The following TUBGCP2 variants were observed in gnomAD, a reference collection of about 807,000 sequenced individuals.
TUBGCP2 encodes the protein tubulin gamma complex component 2.
In TUBGCP2, 55 loss-of-function variants were observed where a neutral mutation model predicts 92.2. The ratio of observed to expected loss-of-function variants is 0.60; its 90% CI spans 0.48 to 0.75. The LOEUF (loss-of-function observed/expected upper bound fraction) is 0.75, where lower values mean the gene tolerates loss of function less well. Ranked by LOEUF, TUBGCP2 falls within the 30% of genes least tolerant of loss-of-function variation. TUBGCP2 has a pLI of 0.00. For synonymous variants in TUBGCP2, 533 were observed against 505.2 expected (o/e 1.06, Z -0.74); for missense variants, 1,093 against 1,188.9 (o/e 0.92, Z 1.19).
At chr10:133,281,523 C>A in intron 16 of TUBGCP2, 87 bp from the exon 17 acceptor site, 1 of 1,475,038 alleles carries the variant, frequency 6.8e-7, no homozygotes. Flanking sequence ...GGCCGGTGTC[C>A]TTTCCCTTCC....
chr10:133,301,546 G>C (rs2136137117), intron 2 of TUBGCP2, among the ~76,000 whole-genome samples: 1 of 152,150 alleles, frequency 6.6e-6, no homozygotes, highest in East Asian at 1.9e-4. Flanking sequence ...TTGTTAACCT[G>C]TTTAAATAAC....
In TUBGCP2 at chr10:133,281,439, GGAAA is replaced by G; in HGVS notation, c.2410-7_2410-4del. On this transcript the variant is annotated splice_region_variant and splice_polypyrimidine_tract_variant and intron_variant, in intron 16 of 17. Transcript: ENST00000252936. ...GTGTCTGCGTGCTCAGCCAGGTGCTGGAAAGAAAGCCGGGGTGCGTGAGCCATGC... is the reference window on the plus strand; with the variant it reads ...GTGTCTGCGTGCTCAGCCAGGTGCTGGAAAGCCGGGGTGCGTGAGCCATGC... 1 of 1,611,660 alleles carries G rather than the reference GGAAA, an allele frequency of 6.2e-7. No homozygotes were observed. Among genetic ancestry groups the G allele is most frequent in the Non-Finnish European group, 8.5e-7 (1 of 1,179,716 alleles).
At position 133,300,085 on chromosome 10, in the gene TUBGCP2, G is replaced by A. The variant is rs375954050; in HGVS notation, c.179C>T (p.Pro60Leu). 3.1e-6 allele frequency: 5 copies of A among 1,613,884 alleles called. No homozygotes were observed. Among genetic ancestry groups the A allele is most frequent in the Non-Finnish European group, 3.4e-6 (4 of 1,179,912 alleles). The change falls in exon 3 of 18, where the codon CCA (proline) becomes CTA (leucine). Residue 60 changes from proline (P) to leucine (L), a missense_variant. Physicochemically the swap from Pro to Leu is moderately conservative, Grantham distance 98. Transcript: ENST00000252936. ...KVKIAEFSRTPEDFLKKYDEL... is the reference protein window; with the variant it reads ...KVKIAEFSRTLEDFLKKYDEL... ...ATCATATTTCTTTAGAAAGTCTTCT[G>A]GAGTACGAGAAAACTCTGCAATTTT...
At chr10:133,281,659 T>C (rs759241471) in intron 16 of TUBGCP2, 10 of 604,508 alleles carry the variant, frequency 1.7e-5, no homozygotes, top group Non-Finnish European at 2.8e-5. Flanking sequence ...TGGGATGAGG[T>C]GGTCACTCTC....
chr10:133,293,353 C>G, intron 6 of TUBGCP2, 115 bp from the exon 7 acceptor site: 1 of 1,311,738 alleles, frequency 7.6e-7, no homozygotes, highest in Non-Finnish European at 1.1e-6. Context: ...AACCCCACAT[C>G]CCAGAGGGGA....
intron 17 of TUBGCP2, among the ~76,000 whole-genome samples, chr10:133,280,828 C>T (rs1012536242): frequency 7.1e-6 from 1 of 140,184 alleles, no homozygotes; most frequent in Non-Finnish European, 1.6e-5. Flanking sequence ...AGGGCTGAGC[C>T]GGGGCAGGCG....
intron 11 of TUBGCP2, among the ~76,000 whole-genome samples, chr10:133,287,878 C>T (rs1359849003): frequency 6.6e-6 from 1 of 152,370 alleles, no homozygotes; most frequent in African/African-American, 2.4e-5. Context: ...TTCCACAAGG[C>T]CAGCATGACC....
chr10:133,293,365 C>T, intron 6 of TUBGCP2, 127 bp from the exon 7 acceptor site: 1 of 1,275,376 alleles, frequency 7.8e-7, no homozygotes, highest in Admixed American at 2.1e-5. Context: ...CAGAGGGGAA[C>T]TTTTGCCCCA....
chr10:133,308,958 C>A (rs1468048117), upstream of TUBGCP2: 5 of 1,238,488 alleles, frequency 4.0e-6, no homozygotes, highest in African/African-American at 1.6e-5. Context: ...AGTTGCCCCC[C>A]GCGCTGTGCG....
In TUBGCP2 at chr10:133,285,613, G is replaced by A; in HGVS notation, c.1738C>T (p.His580Tyr). ...CGCAAGAGCTGAGTGATGAGGTCAT[G>A]GGGCATCAGGTCGATCTTGGAGGGA... ...KDDLKIDLMP[H>Y]DLITQLLRVL... The change falls in exon 12 of 18, where the codon CAT becomes TAT. Residue 580 changes from histidine to tyrosine, a missense_variant. Physicochemically the swap from His to Tyr is moderately conservative, Grantham distance 83 (BLOSUM62 2). This residue lies in a region of TUBGCP2 where 598 missense variants were observed against 675.5 expected (regional missense o/e 0.89). Transcript: ENST00000252936. This position sits in a 1 kb window ranked among gnomAD's most constrained non-coding sequence, Gnocchi z 6.8. 1 of 1,517,890 alleles carries A rather than the reference G, an allele frequency of 6.6e-7. No individual in the cohort carries two copies. Among genetic ancestry groups the A allele is most frequent in the Non-Finnish European group, 8.8e-7 (1 of 1,131,866 alleles). The allele number at this position is 1,517,890 out of a possible 1,614,324, so 94.0% of individuals were successfully genotyped here. A position where few individuals can be genotyped will look rare whatever the true frequency, so the allele number is the denominator to read the frequency against.
At chr10:133,310,030 A>G, upstream of TUBGCP2, 2 of 1,609,876 alleles carry the variant, frequency 1.2e-6, no homozygotes, top group Non-Finnish European at 1.7e-6. Flanking sequence ...TGATGGGCTC[A>G]GAGTGCTGCC....
rs141042122 is a variant in TUBGCP2 at position 133,293,046 on chromosome 10, G to C, written c.1017C>G (p.Ala339=). The change falls in exon 7 of 18, where the codon GCC becomes GCG. Residue 339 remains alanine, a synonymous_variant. Coordinates refer to ENST00000252936, the MANE Select transcript of TUBGCP2 (RefSeq NM_006659.4). ...QPAMRTMDIL[A]SLATSVDKGE... ...CCCCGGGCGGGCACGCACCGAGGGA[G>C]GCCAGGATGTCCATGGTGCGCATGG... 5 of 1,612,998 alleles carry C rather than the reference G, an allele frequency of 3.1e-6. No homozygotes were observed. Among genetic ancestry groups the C allele is most frequent in the Non-Finnish European group, 4.2e-6 (5 of 1,179,954 alleles).
upstream of TUBGCP2, chr10:133,311,839 T>A (rs1203399670): frequency 6.2e-7 from 1 of 1,613,220 alleles, no homozygotes; most frequent in African/African-American, 1.3e-5. Context: ...TCTACAGACA[T>A]AGGTCAGTGT....
upstream of TUBGCP2, chr10:133,310,149 C>T (rs747876566): frequency 8.1e-6 from 13 of 1,613,414 alleles, no homozygotes; most frequent in South Asian, 1.1e-5. Context: ...GGAGGTGACA[C>T]GGTCTCCATT....
intron 2 of TUBGCP2, chr10:133,300,357 C>G: frequency 2.6e-6 from 1 of 386,336 alleles, no homozygotes; most frequent in Non-Finnish European, 4.7e-6. Context: ...TGGTAGACTG[C>G]TTGAGTCCAG....
intron 3 of TUBGCP2, 121 bp from the exon 4 acceptor site, chr10:133,299,724 A>T: frequency 1.1e-6 from 1 of 940,760 alleles, no homozygotes; most frequent in Admixed American, 2.5e-5. Flanking sequence ...TTAATAGCAA[A>T]GCGACGCGTG....
chr10:133,310,644 C>T, upstream of TUBGCP2: 1 of 311,182 alleles, frequency 3.2e-6, no homozygotes. Context: ...CCCCTCGGGG[C>T]CGTGTCTGTA....
At chr10:133,283,393 G>C (rs966434659) in intron 14 of TUBGCP2, among the ~76,000 whole-genome samples, 172 bp from the exon 15 acceptor site, 3 of 143,552 alleles carry the variant, frequency 2.1e-5, no homozygotes, top group African/African-American at 8.9e-5. Context: ...AAAATGATGG[G>C]CACACCCCGA....
intron 1 of TUBGCP2, among the ~76,000 whole-genome samples, chr10:133,307,110 A>G (rs1220339343): frequency 6.6e-6 from 1 of 152,232 alleles, no homozygotes; most frequent in Non-Finnish European, 1.5e-5. Context: ...GTCCCACTGA[A>G]AACACAGCTC....
Sources: gnomAD v4.1 joint callset for allele counts (sites outside exome capture counted in the v4.1 genomes callset) on GRCh38, gnomAD v4.1.1 for gene constraint, gnomAD v4.1.1 regional missense constraint, Gnocchi (gnomAD v3.1) non-coding constraint, MANE v1.5 for transcripts, NCBI Gene and HGNC (gene_info 2026-07-23, HGNC 2026-07-21) for gene names.